The following FLAD1 variants were observed in gnomAD, a reference collection of about 807,000 sequenced individuals.
FLAD1 encodes the protein flavin adenine dinucleotide synthetase 1.
Under a neutral mutation model 55.0 loss-of-function variants are expected in FLAD1, and 35 were observed. That is an observed-to-expected ratio of 0.64 (90% CI 0.49 to 0.84). The LOEUF is 0.84. Ranked by LOEUF, FLAD1 falls within the 40% of genes least tolerant of loss-of-function variation. FLAD1 has a pLI of 0.00. For missense variants in FLAD1, 665 were observed against 742.6 expected (o/e 0.90, Z 1.21); for synonymous variants, 267 against 303.0 (o/e 0.88, Z 1.23).
chr1:154,988,048 A>C, intron 1 of FLAD1, 57 bp from the exon 2 acceptor site: 1 of 1,612,896 alleles, frequency 6.2e-7, no homozygotes, highest in Non-Finnish European at 8.5e-7. Flanking sequence ...ATCATCTTCA[A>C]CCCCTCCCCT....
intron 1 of FLAD1, among the ~76,000 whole-genome samples, chr1:154,986,704 C>CTTTTTTTT (rs776649473): frequency 3.3e-5 from 3 of 91,696 alleles, no homozygotes; most frequent in African/African-American, 9.9e-5. Context: ...GCCCCCCACC[C>CTTTTTTTT]TTTTTTTTTT....
intron 1 of FLAD1, among the ~76,000 whole-genome samples, chr1:154,985,972 C>G (rs1657576749): frequency 6.6e-6 from 1 of 151,696 alleles, no homozygotes; most frequent in South Asian, 2.1e-4. Context: ...GTGATCCACC[C>G]GCTTCAGCCT....
intron 1 of FLAD1, among the ~76,000 whole-genome samples, chr1:154,986,746 G>C (rs1431802766): frequency 9.1e-6 from 1 of 110,242 alleles, no homozygotes; most frequent in Non-Finnish European, 1.7e-5. Context: ...TCTCACTGTC[G>C]CCTAGGCTAG....
Position 154,983,764 on chromosome 1 carries a change from T to C in FLAD1, c.70T>C (p.Leu24=), listed in dbSNP as rs770774520. The part of the protein sequence containing the change: ...EQRSRLSRIW[L]EKTRVFLEGS... ...AAGGAGTCGCTTGTCAAGGATCTGG[T>C]TAGAGAAGACTAGGGTCTTCCTCGA... Residue 24 remains leucine (L), a synonymous_variant, in exon 1 of 7, where the codon TTA becomes CTA. Coordinates refer to ENST00000292180, the MANE Select transcript of FLAD1 (RefSeq NM_025207.5). The C allele has an allele frequency of 6.2e-7, 1 of 1,614,044 alleles. No homozygotes were observed.
At chr1:154,984,257 A>T (rs934701194) in intron 1 of FLAD1, among the ~76,000 whole-genome samples, 191 bp downstream of exon 1, 4 of 152,146 alleles carry the variant, frequency 2.6e-5, no homozygotes, top group Non-Finnish European at 4.4e-5. Context: ...AAAAACTTGT[A>T]GCAAAGTCCC....
rs1571484355 is a variant in FLAD1, at chr1:154,988,161, G to A, written c.429G>A (p.Gly143=). 1 of 1,614,180 alleles carries A rather than the reference G, an allele frequency of 6.2e-7. No individual in the cohort carries two copies. Among genetic ancestry groups the A allele is most frequent in the Non-Finnish European group, 8.5e-7 (1 of 1,180,046 alleles). Residue 143 remains glycine, a synonymous_variant, in exon 2 of 7, where the codon GGG becomes GGA. Transcript: ENST00000292180. The stretch of plus-strand genomic sequence containing the variant: ...TGTGCCGGACACTGCGCTCCCTAGG[G>A]GTCCAGGTTTGCCGAGTCTCAGTTG... ...FFLCRTLRSL[G]VQVCRVSVVP...
At chr1:154,985,323 C>T (rs545255561) in intron 1 of FLAD1, among the ~76,000 whole-genome samples, 1 of 149,836 alleles carries the variant, frequency 6.7e-6, no homozygotes, top group South Asian at 2.1e-4. Flanking sequence ...CCACCTCTCG[C>T]GTTCAAGCAG....
In FLAD1 at chr1:154,984,096, C is replaced by T. The variant is rs369889013; in HGVS notation, c.372+30C>T. 2.1e-4 allele frequency: 315 copies of T among 1,472,202 alleles called. 1 individual carries two copies. In the South Asian group the frequency reaches 4.5e-3, roughly 21 times the overall value. The allele number at this position is 1,472,202 out of a possible 1,614,324, so 91.2% of individuals were successfully genotyped here. A position where few individuals can be genotyped will look rare whatever the true frequency, so the allele number is the denominator to read the frequency against. On this transcript the variant is annotated intron_variant, in intron 1 of 6. Transcript: ENST00000292180. ...GTCTGGGACAGAAAAGGGGGGAGGGCGCTGCGTTCTCCTGTCCTTAAGGGC... is the reference window on the plus strand; with the variant it reads ...GTCTGGGACAGAAAAGGGGGGAGGGTGCTGCGTTCTCCTGTCCTTAAGGGC...
intron 5 of FLAD1, 28 bp downstream of exon 5, chr1:154,990,556 C>T (rs1432406448): frequency 1.3e-6 from 2 of 1,556,954 alleles, no homozygotes; most frequent in Non-Finnish European, 8.7e-7. Flanking sequence ...TTATCACCTT[C>T]AGTCTCACGT....
intron 1 of FLAD1, among the ~76,000 whole-genome samples, chr1:154,984,728 A>G (rs1657489781): frequency 6.7e-6 from 1 of 150,152 alleles, no homozygotes; most frequent in East Asian, 1.9e-4. Flanking sequence ...AAAAAAAAAA[A>G]GAGTTTTACC....
Position 154,988,430 on chromosome 1 carries a change from C to T in FLAD1, c.698C>T (p.Thr233Ile), listed in dbSNP as rs751012776. ...VPSSARLHYG[T>I]DPCTGQPFRF... ...TCCTCTGCCCGCCTGCATTATGGCA[C>T]AGATCCTTGCACTGGTCAACCTTTC... is the stretch of plus-strand genomic sequence containing the variant. Residue 233 changes from threonine (T) to isoleucine (I), a missense_variant, in exon 2 of 7, where the codon ACA becomes ATA. Coordinates refer to ENST00000292180, the MANE Select transcript of FLAD1 (RefSeq NM_025207.5). The T allele has an allele frequency of 6.2e-7, 1 of 1,614,126 alleles. No homozygotes were observed. The highest frequency in any genetic ancestry group is 8.5e-7 in the Non-Finnish European group (1 of 1,180,056).
rs114503518 is a variant in FLAD1 at position 154,992,478 on chromosome 1, C to A, written c.1555-235C>A. On this transcript the variant is annotated intron_variant, in intron 5 of 6. Coordinates refer to ENST00000292180, the MANE Select transcript of FLAD1 (RefSeq NM_025207.5). Reference sequence around the variant, plus strand: ...TAGACGGTTTCTCCCTGTCCTCAAGCTCCACCCTTGCACTAGAGGGTGGTT... The same window carrying A: ...TAGACGGTTTCTCCCTGTCCTCAAGATCCACCCTTGCACTAGAGGGTGGTT... 0.014 allele frequency: 16,558 copies of A among 1,186,108 alleles called. 135 individuals carry two copies. The highest frequency in any genetic ancestry group is 0.017 in the Non-Finnish European group (13,627 of 817,590). 73.5% of individuals were successfully genotyped at this position (1,186,108 alleles called of 1,614,324 possible). A position where few individuals can be genotyped will look rare whatever the true frequency, so the allele number is the denominator to read the frequency against.
chr1:154,985,716 A>AT (rs34387427), intron 1 of FLAD1, among the ~76,000 whole-genome samples: 11,208 of 75,492 alleles, frequency 0.15, 2,023 homozygotes, highest in Non-Finnish European at 0.23. Context: ...CCTGACCCCA[A>AT]TTTTTTTTTT....
Position 154,988,592 on chromosome 1 carries a change from C to T in FLAD1, c.860C>T (p.Ala287Val). The T allele has an allele frequency of 6.2e-7, 1 of 1,614,226 alleles. No homozygotes were observed. The highest frequency in any genetic ancestry group is 8.5e-7 in the Non-Finnish European group (1 of 1,180,046). ...VQFHSKELYVAADEASIAPIL... is the reference protein window; with the variant it reads ...VQFHSKELYVVADEASIAPIL... ...TTCCACTCAAAGGAGCTATATGTGGCTGCTGATGAAGCCTCCATCGCCCCC... is the reference window on the plus strand; with the variant it reads ...TTCCACTCAAAGGAGCTATATGTGGTTGCTGATGAAGCCTCCATCGCCCCC... The change falls in exon 2 of 7, where the codon GCT becomes GTT. Residue 287 changes from alanine to valine, a missense_variant. By Grantham distance (64) the Ala-to-Val change is moderately conservative. Transcript: ENST00000292180.
At position 154,990,469 on chromosome 1, in the gene FLAD1, T is replaced by C. The variant is rs141604312; in HGVS notation, c.1495T>C (p.Cys499Arg). Residue 499 changes from cysteine (C) to arginine (R), a missense_variant, in exon 5 of 7, where the codon TGC becomes CGC. By Grantham distance (180) the Cys-to-Arg change is radical. Transcript: ENST00000292180. ...GACTGACCCCTACTCCTGTAGCCTC[T>C]GCCCTTTCAGCCCCACTGACCCAGG... ...RRTDPYSCSL[C>R]PFSPTDPGWP... The C allele has an allele frequency of 1.9e-4, 310 of 1,613,976 alleles. No individual in the cohort carries two copies. In the East Asian group the frequency reaches 6.7e-3, roughly 35 times the overall value.
Position 154,992,919 on chromosome 1 carries a change from G to A in FLAD1, c.1646G>A (p.Ser549Asn), listed in dbSNP as rs1245758856. Reference sequence around the variant, plus strand: ...TGCTCCAGATACACATCACTGGGGAGTCGGGAGAATACCGTGCGGAACCCG... The same window carrying A: ...TGCTCCAGATACACATCACTGGGGAATCGGGAGAATACCGTGCGGAACCCG... Reference protein sequence around the residue: ...LYDRGYTSLGSRENTVRNPAL... With the variant: ...LYDRGYTSLGNRENTVRNPAL... Residue 549 changes from serine to asparagine, a missense_variant, in exon 7 of 7, where the codon AGT becomes AAT. Ser to Asn is a conservative substitution (Grantham distance 46). Transcript: ENST00000292180. 1.9e-6 allele frequency: 3 copies of A among 1,614,010 alleles called. No homozygotes were observed. The highest frequency in any genetic ancestry group is 1.6e-4 in the Middle Eastern group (1 of 6,062).
At position 154,988,239 on chromosome 1, in the gene FLAD1, C is replaced by T. The variant is rs776977748; in HGVS notation, c.507C>T (p.Arg169=). The T allele has an allele frequency of 3.1e-6, 5 of 1,614,262 alleles. No homozygotes were observed. The South Asian group carries it at 5.5e-5, about 18-fold the overall frequency. ...CTGAGGTCACTTCTTTCTCCAACCGCTTCACCCATGTCCTCACAGCAGGGG... is the reference window on the plus strand; with the variant it reads ...CTGAGGTCACTTCTTTCTCCAACCGTTTCACCCATGTCCTCACAGCAGGGG... The part of the protein sequence containing the change: ...IAAEVTSFSN[R]FTHVLTAGGI... The change falls in exon 2 of 7, where the codon CGC becomes CGT. Residue 169 remains arginine (R), a synonymous_variant. Transcript: ENST00000292180.
chr1:154,984,762 G>A (rs1427374745), intron 1 of FLAD1, among the ~76,000 whole-genome samples: 1 of 151,100 alleles, frequency 6.6e-6, no homozygotes, highest in African/African-American at 2.4e-5. Flanking sequence ...AATGACTCAA[G>A]GTACTCAGCG....
chr1:154,988,985 C>A (rs908060836), intron 2 of FLAD1, 136 bp downstream of exon 2: 3 of 1,492,238 alleles, frequency 2.0e-6, no homozygotes, highest in Admixed American at 2.2e-5. Context: ...ATTCATTATT[C>A]TTCCAATAAA....
Sources: gnomAD v4.1 joint callset for allele counts (sites outside exome capture counted in the v4.1 genomes callset) on GRCh38, gnomAD v4.1.1 for gene constraint, MANE v1.5 for transcripts, NCBI Gene and HGNC (gene_info 2026-07-23, HGNC 2026-07-21) for gene names.